Variants in CCNC observed in about 807,000 individuals in gnomAD.
CCNC encodes cyclin C.
CCNC carries 19 observed loss-of-function variants against 50.0 expected under a neutral mutation model. That is an observed-to-expected ratio of 0.38 (90% confidence interval 0.27 to 0.56). CCNC has a LOEUF of 0.56. Among genes scored for constraint, CCNC ranks in the 20% least tolerant of loss-of-function variants. The probability of loss-of-function intolerance (pLI) is 0.72; values close to 1 mark genes in which losing one functional copy is unlikely to be tolerated. For missense variants in CCNC, 200 were observed against 327.1 expected, an observed-to-expected ratio of 0.61 and a Z score of 3.00; for synonymous variants, 93 against 103.7, an observed-to-expected ratio of 0.90 and a Z score of 0.63.
At chr6:99,557,232 T>C (rs1380318278) in intron 5 of CCNC, 1 of 152,174 alleles carries the variant, frequency 6.6e-6, no homozygotes, top group African/African-American at 2.4e-5. Flanking sequence ...ATACTATTTA[T>C]TTCCTTCTGT....
intron 11 of CCNC, chr6:99,544,081 CT>C (rs1289355508): frequency 3.7e-6 from 5 of 1,366,024 alleles, no homozygotes; most frequent in African/African-American, 3.0e-5. Flanking sequence ...TACAGCAAAC[CT>C]TTATAAGTCA....
At chr6:99,543,689 A>C (rs1801960720) in intron 11 of CCNC, 80 bp from the exon 12 acceptor site, 1 of 1,582,716 alleles carries the variant, frequency 6.3e-7, no homozygotes, top group African/African-American at 1.3e-5. Context: ...CTGACTTTTA[A>C]ATTCATTATT....
intron 7 of CCNC, 70 bp from the exon 8 acceptor site, chr6:99,550,379 C>A: frequency 9.7e-7 from 1 of 1,026,638 alleles, no homozygotes; most frequent in Admixed American, 2.0e-5. Context: ...GTTATCATTA[C>A]CCAACTGATT....
At chr6:99,552,583 C>T (rs1438300045) in intron 5 of CCNC, among the ~76,000 whole-genome samples, 1 of 152,124 alleles carries the variant, frequency 6.6e-6, no homozygotes. Context: ...TCCCCCATCT[C>T]CTTAAAATGG....
intron 10 of CCNC, among the ~76,000 whole-genome samples, chr6:99,545,680 C>A (rs374817395): frequency 4.6e-4 from 70 of 152,266 alleles, no homozygotes; most frequent in African/African-American, 1.5e-3. Context: ...AACTAGTTAA[C>A]AAATTAGCTA....
At position 99,547,725 on chromosome 6, in the gene CCNC, C is replaced by T. The variant is rs531630905; in HGVS notation, c.599-1251G>A. 1.6e-4 allele frequency among the ~76,000 whole-genome samples: 24 copies of T among 152,244 alleles called. No homozygotes were observed. The South Asian group carries it at 2.7e-3, about 17-fold the overall frequency. ...AACCAAACATTGCCAAATGTCCCCT[C>T]GGGGCAAAATTATCCCCAGGTGAAA... On this transcript the variant is annotated intron_variant, in intron 9 of 11. Coordinates refer to ENST00000520429, the MANE Select transcript of CCNC (RefSeq NM_005190.4).
At chr6:99,552,457 C>T (rs1409615226) in intron 5 of CCNC, among the ~76,000 whole-genome samples, 1 of 151,832 alleles carries the variant, frequency 6.6e-6, no homozygotes, top group Non-Finnish European at 1.5e-5. Context: ...ATGCAAAGGT[C>T]TCGAGTTACT....
intron 4 of CCNC, among the ~76,000 whole-genome samples, chr6:99,559,772 T>A (rs1413230382): frequency 6.7e-6 from 1 of 149,218 alleles, no homozygotes; most frequent in Non-Finnish European, 1.5e-5. Context: ...CAGGCTGGAG[T>A]ACAGTGGCAT....
chr6:99,566,609 G>A (rs893520599), intron 1 of CCNC, among the ~76,000 whole-genome samples: 1 of 152,098 alleles, frequency 6.6e-6, no homozygotes. Context: ...ACTGTGGTTT[G>A]CTAATTAATT....
chr6:99,568,483 G>A lies in CCNC; in HGVS notation c.32+13C>T, dbSNP rs748785666. ...AAAACCGGCCCCAGGTGAGAAGACGGAAGATCGCTTACTAGTGGGAGCTCT... is the reference window on the plus strand; with the variant it reads ...AAAACCGGCCCCAGGTGAGAAGACGAAAGATCGCTTACTAGTGGGAGCTCT... On this transcript the variant is annotated intron_variant, in intron 1 of 11. Coordinates refer to ENST00000520429, the MANE Select transcript of CCNC (RefSeq NM_005190.4). 3 of 1,611,744 alleles carry A rather than the reference G, an allele frequency of 1.9e-6. No individual in the cohort carries two copies. The highest frequency in any genetic ancestry group is 2.2e-5 in the South Asian group (2 of 90,600).
chr6:99,545,177 G>A lies in CCNC; in HGVS notation c.732C>T (p.Phe244=), dbSNP rs772249543. Residue 244 remains phenylalanine, a synonymous_variant, in exon 11 of 12, where the codon TTC becomes TTT. Transcript: ENST00000520429. ...ILKLYEQWKN[F]DERKEMATIL... is the part of the protein sequence containing the mutation. Reference sequence around the variant, plus strand: ...TGGTTGCCATCTCTTTTCTCTCATCGAAATTCTTCCACTGCTCATATAGTT... The same window carrying A: ...TGGTTGCCATCTCTTTTCTCTCATCAAAATTCTTCCACTGCTCATATAGTT... 14 of 1,609,966 alleles carry A rather than the reference G, an allele frequency of 8.7e-6. No individual in the cohort carries two copies. The highest frequency in any genetic ancestry group is 4.4e-5 in the South Asian group (4 of 90,966).
chr6:99,567,603 A>G (rs1274320823), intron 1 of CCNC, among the ~76,000 whole-genome samples: 1 of 152,208 alleles, frequency 6.6e-6, no homozygotes, highest in Non-Finnish European at 1.5e-5. Flanking sequence ...TCCTATTCAC[A>G]GAATCGAAAT....
chr6:99,548,773 A>C (rs1802173112), intron 9 of CCNC, among the ~76,000 whole-genome samples: 1 of 145,320 alleles, frequency 6.9e-6, no homozygotes, highest in South Asian at 2.2e-4. Flanking sequence ...ACTGCACTCC[A>C]GCCTGGGAGA....
At chr6:99,567,877 T>C (rs1308444263) in intron 1 of CCNC, among the ~76,000 whole-genome samples, 1 of 152,074 alleles carries the variant, frequency 6.6e-6, no homozygotes, top group Non-Finnish European at 1.5e-5. Flanking sequence ...ACTGGAAAAA[T>C]AGGCCTTTAA....
At chr6:99,544,193 A>C in intron 11 of CCNC, 1 of 1,526,254 alleles carries the variant, frequency 6.6e-7, no homozygotes, top group Non-Finnish European at 8.8e-7. Context: ...AACTTTGGCA[A>C]TAGGATTATT....
chr6:99,543,435 T>C lies in CCNC; in HGVS notation c.*120A>G. The C allele has an allele frequency of 9.4e-7, 1 of 1,063,812 alleles. No individual in the cohort carries two copies. The highest frequency in any genetic ancestry group is 1.4e-6 in the Non-Finnish European group (1 of 722,770). 65.9% of individuals were successfully genotyped at this position (1,063,812 alleles called of 1,614,324 possible). On this transcript the variant is annotated 3_prime_UTR_variant, in exon 12 of 12. Coordinates refer to ENST00000520429, the MANE Select transcript of CCNC (RefSeq NM_005190.4). ...CTTATTTTGCAAAAATAAAATCACT[T>C]TCCAATATGCTTGACAGAAACAAGC...
At position 99,550,307 on chromosome 6, in the gene CCNC, A is replaced by G; in HGVS notation, c.441T>C (p.Asp147=). ...AAGGATGATACACTATCAAGCAACA[A>G]TCCTAGAAACAGTTTAAAAAATGTG... The part of the protein sequence containing the change: ...ECEFYLLELM[D]CCLIVYHPYR... The change falls in exon 8 of 12, where the codon GAT becomes GAC. Residue 147 remains aspartate (D), a splice_region_variant and synonymous_variant. Coordinates refer to ENST00000520429, the MANE Select transcript of CCNC (RefSeq NM_005190.4). 1.2e-6 allele frequency: 2 copies of G among 1,605,990 alleles called. No individual in the cohort carries two copies. Among genetic ancestry groups the G allele is most frequent in the Non-Finnish European group, 1.7e-6 (2 of 1,175,480 alleles).
At position 99,543,441 on chromosome 6, in the gene CCNC, T is replaced by C; in HGVS notation, c.*114A>G. On this transcript the variant is annotated 3_prime_UTR_variant, in exon 12 of 12. Coordinates refer to ENST00000520429, the MANE Select transcript of CCNC (RefSeq NM_005190.4). ...TTGCAAAAATAAAATCACTTTCCAA[T>C]ATGCTTGACAGAAACAAGCTATTCA... 1 of 1,122,518 alleles carries C rather than the reference T, an allele frequency of 8.9e-7. No homozygotes were observed. The highest frequency in any genetic ancestry group is 1.3e-6 in the Non-Finnish European group (1 of 767,462). The allele number at this position is 1,122,518 out of a possible 1,614,324, so 69.5% of individuals were successfully genotyped here.
rs565512782 is a variant in CCNC at position 99,561,815 on chromosome 6, A to C, written c.140-134T>G. Reference sequence around the variant, plus strand: ...AAAGGAAAAAACCTACACATGCTCTATGTGAGTCACAGTGGTCTAATTCTA... The same window carrying C: ...AAAGGAAAAAACCTACACATGCTCTCTGTGAGTCACAGTGGTCTAATTCTA... On this transcript the variant is annotated intron_variant, in intron 2 of 11. Transcript: ENST00000520429. 18 of 582,058 alleles carry C rather than the reference A, an allele frequency of 3.1e-5. No homozygotes were observed. The South Asian group carries it at 4.4e-4, about 14-fold the overall frequency. The allele number at this position is 582,058 out of a possible 1,614,324, so 36.1% of individuals were successfully genotyped here.
Sources: allele counts gnomAD v4.1 joint callset (sites outside exome capture counted in the v4.1 genomes callset), GRCh38; gene constraint gnomAD v4.1.1; transcripts MANE v1.5; gene names NCBI Gene and HGNC (gene_info 2026-07-23, HGNC 2026-07-21).